The following RGS6 variants were observed in gnomAD, a reference collection of about 807,000 sequenced individuals.
The protein encoded by RGS6 is regulator of G protein signaling 6, also known as regulator of G-protein signaling 6.
In RGS6, 30 loss-of-function variants were observed where a neutral mutation model predicts 78.5. The observed-to-expected ratio is 0.38, with a 90% CI of 0.29 to 0.52. RGS6 has a LOEUF of 0.52. Ranked by LOEUF, RGS6 falls within the 20% of genes least tolerant of loss-of-function variation. The pLI, the probability that RGS6 is intolerant of heterozygous loss-of-function variation, is 0.85. For missense variants in RGS6, 495 were observed against 609.7 expected, an observed-to-expected ratio of 0.81 and a Z score of 1.98; for synonymous variants, 206 against 206.0, an observed-to-expected ratio of 1.00 and a Z score of 0.00.
At chr14:72,440,414 C>CT (rs60589205) in intron 3 of RGS6, among the ~76,000 whole-genome samples, 4,263 of 131,970 alleles carry the variant, frequency 0.032, 125 homozygotes, top group East Asian at 0.096. Context: ...ACCTACACTT[C>CT]TTTTTTTTTT....
chr14:72,374,583 C>G (rs1369675419), intron 3 of RGS6, among the ~76,000 whole-genome samples: 5 of 152,168 alleles, frequency 3.3e-5, no homozygotes, highest in Non-Finnish European at 5.9e-5. Context: ...GCAAACACAT[C>G]TCCTCTCTGG....
At chr14:72,343,977 G>A (rs762017306) in intron 2 of RGS6, among the ~76,000 whole-genome samples, 2 of 152,100 alleles carry the variant, frequency 1.3e-5, no homozygotes, top group African/African-American at 4.8e-5. Context: ...GGCCATCTGC[G>A]GTCAGAGATT....
At chr14:72,065,915 C>T (rs915174710) in intron 2 of RGS6, among the ~76,000 whole-genome samples, 2 of 150,026 alleles carry the variant, frequency 1.3e-5, no homozygotes, top group African/African-American at 4.9e-5. Context: ...GATGCTATCC[C>T]TCCCCCCCTC....
the RGS6 span, chr14:72,629,858 A>G: frequency 5.1e-6 from 4 of 787,894 alleles, no homozygotes; most frequent in Non-Finnish European, 8.2e-6. Flanking sequence ...TGACGTAGGG[A>G]AAAAAATGGG....
intron 2 of RGS6, among the ~76,000 whole-genome samples, chr14:72,282,307 G>A (rs541688544): frequency 2.0e-5 from 3 of 152,310 alleles, no homozygotes; most frequent in East Asian, 1.9e-4. Flanking sequence ...AGTGATAAGC[G>A]TTAATTAATT....
intron 3 of RGS6, among the ~76,000 whole-genome samples, chr14:72,407,707 C>G (rs554321135): frequency 1.9e-4 from 29 of 152,246 alleles, no homozygotes; most frequent in Non-Finnish European, 3.8e-4. Context: ...CAGAACCTCT[C>G]TAGTGCAATG....
At chr14:72,032,709 G>GT (rs966349978) in intron 2 of RGS6, among the ~76,000 whole-genome samples, 19 of 151,948 alleles carry the variant, frequency 1.3e-4, no homozygotes, top group African/African-American at 4.4e-4. Context: ...TGCAGTATTT[G>GT]TTTTTTTGTG....
intron 3 of RGS6, among the ~76,000 whole-genome samples, chr14:72,357,412 A>G (rs2080547273): frequency 6.6e-6 from 1 of 152,200 alleles, no homozygotes; most frequent in African/African-American, 2.4e-5. Flanking sequence ...GAAGACAGGA[A>G]GATGTGGGAA....
In RGS6 at chr14:72,562,729, T is replaced by C. The variant is rs1343257692; in HGVS notation, c.*262T>C. 1.3e-6 allele frequency: 2 copies of C among 1,536,070 alleles called. No individual in the cohort carries two copies. Among genetic ancestry groups the C allele is most frequent in the Admixed American group, 2.0e-5 (1 of 50,996 alleles). On this transcript the variant is annotated 3_prime_UTR_variant, in exon 18 of 18. Coordinates refer to ENST00000553525, the MANE Select transcript of RGS6 (RefSeq NM_001204424.2). The stretch of plus-strand genomic sequence containing the variant: ...TCTTTGTACAGTTGTATTCCAACAC[T>C]CCACTCGCTAAGAGGCCCTGATCCC...
chr14:71,867,779 C>T, the RGS6 span, among the ~76,000 whole-genome samples: 1 of 152,034 alleles, frequency 6.6e-6, no homozygotes, highest in South Asian at 2.1e-4. Flanking sequence ...GTATGCTGGC[C>T]AATTCCAGGA....
chr14:72,251,448 CAG>C (rs1001547541), intron 2 of RGS6, among the ~76,000 whole-genome samples: 1 of 152,124 alleles, frequency 6.6e-6, no homozygotes, highest in African/African-American at 2.4e-5. Flanking sequence ...GCAAGGAAAA[CAG>C]AAAGTTAGCA....
chr14:71,912,858 C>G, the RGS6 span, among the ~76,000 whole-genome samples: 4 of 151,920 alleles, frequency 2.6e-5, no homozygotes, highest in Non-Finnish European at 5.9e-5. Context: ...TGGAGTCTTG[C>G]TCTGTCACCC....
intron 2 of RGS6, among the ~76,000 whole-genome samples, chr14:72,156,014 G>T (rs574515348): frequency 1.3e-5 from 2 of 152,218 alleles, no homozygotes; most frequent in East Asian, 1.9e-4. Context: ...CTTGGGTTCC[G>T]CTCTTGGAAA....
chr14:71,995,041 C>T (rs1355730138), intron 2 of RGS6, among the ~76,000 whole-genome samples: 1 of 152,158 alleles, frequency 6.6e-6, no homozygotes, highest in Non-Finnish European at 1.5e-5. Flanking sequence ...CACCAAAGAG[C>T]TGCCTCTCTT....
chr14:71,900,155 C>T, the RGS6 span, among the ~76,000 whole-genome samples: 1 of 152,284 alleles, frequency 6.6e-6, no homozygotes, highest in East Asian at 1.9e-4. Context: ...TGAAGTTTGT[C>T]CCTACTCTGC....
At chr14:71,914,196 T>C in the RGS6 span, among the ~76,000 whole-genome samples, 3,236 of 152,334 alleles carry the variant, frequency 0.021, 133 homozygotes, top group African/African-American at 0.074. Context: ...GTAGGCATCA[T>C]ACCCTAACAA....
At chr14:72,108,552 A>G (rs191383030) in intron 2 of RGS6, among the ~76,000 whole-genome samples, 264 of 151,798 alleles carry the variant, frequency 1.7e-3, no homozygotes, top group African/African-American at 6.3e-3. Context: ...CTTATGTTGC[A>G]TCTTACTTGT....
rs571047223 is a variant in RGS6 at position 72,114,268 on chromosome 14, A to G, written c.84+149393A>G. Among the ~76,000 whole-genome samples, 199 of 152,286 alleles carry G rather than the reference A, an allele frequency of 1.3e-3. 1 individual carries two copies. The highest frequency in any genetic ancestry group is 4.4e-3 in the African/African-American group (183 of 41,562). On this transcript the variant is annotated intron_variant, in intron 2 of 17. Coordinates refer to ENST00000553525, the MANE Select transcript of RGS6 (RefSeq NM_001204424.2). ...GTGCTTTATCTTCTCCCGTCTGTCA[A>G]TGATGTCCCCCACCATTTACTGCAG... is the stretch of plus-strand genomic sequence containing the variant.
the RGS6 span, among the ~76,000 whole-genome samples, chr14:72,608,924 C>T: frequency 6.6e-6 from 1 of 152,220 alleles, no homozygotes; most frequent in Admixed American, 6.5e-5. Flanking sequence ...CTCTCTCTTA[C>T]ACAATGCAGT....
Sources: gnomAD v4.1 joint callset for allele counts (sites outside exome capture counted in the v4.1 genomes callset) on GRCh38, gnomAD v4.1.1 for gene constraint, MANE v1.5 for transcripts, NCBI Gene and HGNC (gene_info 2026-07-23, HGNC 2026-07-21) for gene names.